The following TAFA1 variants were observed in gnomAD, a reference collection of about 807,000 sequenced individuals.
TAFA1 encodes the protein chemokine-like protein TAFA-1.
Under a neutral mutation model 18.5 loss-of-function variants are expected in TAFA1, and 4 were observed. The observed-to-expected ratio is 0.22, with a 90% confidence interval of 0.11 to 0.49. The LOEUF (loss-of-function observed/expected upper bound fraction) is 0.49, where lower values mean the gene tolerates loss of function less well. Among genes scored for constraint, TAFA1 ranks in the 20% least tolerant of loss-of-function variants. TAFA1 has a pLI of 0.98. For synonymous variants in TAFA1, 56 were observed against 55.2 expected (o/e 1.01, Z -0.06); for missense variants, 147 against 169.0 (o/e 0.87, Z 0.72).
At chr3:68,164,029 T>G (rs970263347) in intron 2 of TAFA1, among the ~76,000 whole-genome samples, 16 of 152,250 alleles carry the variant, frequency 1.1e-4, no homozygotes, top group African/African-American at 3.9e-4. Flanking sequence ...CTCTTTCTGC[T>G]GACCACTGGC....
At chr3:68,058,347 A>G (rs1020603638) in intron 2 of TAFA1, among the ~76,000 whole-genome samples, 2 of 152,222 alleles carry the variant, frequency 1.3e-5, no homozygotes, top group African/African-American at 2.4e-5. Context: ...AGTACATAAT[A>G]ACAGCTCAAA....
In TAFA1 at chr3:68,112,305, G is replaced by T. The variant is rs149773328; in HGVS notation, c.118+105561G>T. Among the ~76,000 whole-genome samples, 137 of 152,240 alleles carry T rather than the reference G, an allele frequency of 9.0e-4. 2 individuals are homozygous for T. Among genetic ancestry groups the T allele is most frequent in the African/African-American group, 2.7e-3 (112 of 41,544 alleles). On this transcript the variant is annotated intron_variant, in intron 2 of 4. Coordinates refer to ENST00000478136, the MANE Select transcript of TAFA1 (RefSeq NM_213609.4). ...CGAATCGAATTCAGCTATGCATCCT[G>T]CTGAATGAGCTTATTCAGAAATTCA...
chr3:68,107,714 C>T (rs2065218931), intron 2 of TAFA1, among the ~76,000 whole-genome samples: 1 of 152,054 alleles, frequency 6.6e-6, no homozygotes, highest in Admixed American at 6.6e-5. Context: ...TTAGAATTCT[C>T]CCTCTCAATT....
At chr3:68,526,782 A>G (rs1230574187) in intron 3 of TAFA1, among the ~76,000 whole-genome samples, 4 of 152,152 alleles carry the variant, frequency 2.6e-5, no homozygotes, top group African/African-American at 7.2e-5. Flanking sequence ...TGCCAAATGG[A>G]ATCATGAGTG....
At chr3:68,187,510 A>G (rs2066285519) in intron 2 of TAFA1, among the ~76,000 whole-genome samples, 1 of 152,036 alleles carries the variant, frequency 6.6e-6, no homozygotes, top group Admixed American at 6.6e-5. Context: ...GAAATTGATT[A>G]TCTTGGGTGA....
intron 2 of TAFA1, among the ~76,000 whole-genome samples, chr3:68,036,168 C>T (rs939049819): frequency 2.6e-5 from 4 of 152,240 alleles, no homozygotes; most frequent in Admixed American, 6.5e-5. Flanking sequence ...CAGCCAGGCA[C>T]GCTGTCTCAC....
chr3:68,391,130 C>G (rs921400613), intron 2 of TAFA1, among the ~76,000 whole-genome samples: 1 of 152,090 alleles, frequency 6.6e-6, no homozygotes, highest in South Asian at 2.1e-4. Context: ...GTTACAGGAA[C>G]TGCTAACTAG....
intron 2 of TAFA1, among the ~76,000 whole-genome samples, chr3:68,196,353 G>A (rs1344546375): frequency 6.6e-6 from 1 of 151,624 alleles, no homozygotes; most frequent in Non-Finnish European, 1.5e-5. Flanking sequence ...AGATTTTTCT[G>A]ACCAAATACT....
Position 68,164,048 on chromosome 3 carries a change from T to G in TAFA1, c.118+157304T>G, listed in dbSNP as rs74960196. Among the ~76,000 whole-genome samples the G allele has an allele frequency of 7.0e-3, 1,067 of 152,342 alleles. 11 individuals are homozygous for G. The highest frequency in any genetic ancestry group is 0.023 in the African/African-American group (973 of 41,572). ...TTCTGCTGACCACTGGCAAAATGCT[T>G]TAGCTTGGATTGCTGAATGTGTTTT... On this transcript the variant is annotated intron_variant, in intron 2 of 4. Transcript: ENST00000478136.
intron 2 of TAFA1, among the ~76,000 whole-genome samples, chr3:68,353,077 C>T (rs1230797147): frequency 1.3e-5 from 2 of 152,022 alleles, no homozygotes; most frequent in Admixed American, 6.6e-5. Context: ...ACTCCCTTAT[C>T]TGTCCTTAAA....
chr3:68,399,402 G>C (rs574141911), intron 2 of TAFA1, among the ~76,000 whole-genome samples: 7 of 152,150 alleles, frequency 4.6e-5, no homozygotes, highest in Non-Finnish European at 1.0e-4. Context: ...TACAACAGAG[G>C]CTCAACCATC....
chr3:68,425,465 A>C (rs1358500035), intron 3 of TAFA1, among the ~76,000 whole-genome samples: 1 of 151,984 alleles, frequency 6.6e-6, no homozygotes, highest in Non-Finnish European at 1.5e-5. Context: ...GATCTTGCAT[A>C]ACATCTTTAG....
At chr3:68,257,059 C>T (rs920118001) in intron 2 of TAFA1, among the ~76,000 whole-genome samples, 4 of 152,222 alleles carry the variant, frequency 2.6e-5, no homozygotes, top group African/African-American at 4.8e-5. Context: ...TTCCCTCACT[C>T]GTAACGCTCT....
intron 2 of TAFA1, among the ~76,000 whole-genome samples, chr3:68,155,759 G>C (rs1180735075): frequency 6.6e-6 from 1 of 152,112 alleles, no homozygotes; most frequent in Admixed American, 6.6e-5. Flanking sequence ...AGAAAATACT[G>C]ATGGAAATCT....
chr3:68,398,705 C>T (rs754708004), intron 2 of TAFA1, among the ~76,000 whole-genome samples: 12 of 152,096 alleles, frequency 7.9e-5, no homozygotes, highest in Non-Finnish European at 8.8e-5. Flanking sequence ...TATTTCATTA[C>T]GAACATTAAC....
chr3:68,447,794 A>T (rs185065033), intron 3 of TAFA1, among the ~76,000 whole-genome samples: 7 of 152,336 alleles, frequency 4.6e-5, no homozygotes, highest in Admixed American at 4.6e-4. Context: ...AAGTATTCTG[A>T]AGCAATGTTC....
intron 2 of TAFA1, among the ~76,000 whole-genome samples, chr3:68,128,611 T>A (rs1346939754): frequency 6.6e-6 from 1 of 152,212 alleles, no homozygotes; most frequent in Non-Finnish European, 1.5e-5. Context: ...CCTGATTGTC[T>A]GCCAAATTCT....
chr3:68,220,822 C>T (rs921293501), intron 2 of TAFA1, among the ~76,000 whole-genome samples: 1 of 152,136 alleles, frequency 6.6e-6, no homozygotes, highest in African/African-American at 2.4e-5. Flanking sequence ...GGGTCACTCA[C>T]AGTATTCTTG....
intron 2 of TAFA1, among the ~76,000 whole-genome samples, chr3:68,238,019 G>C (rs1047219717): frequency 6.6e-6 from 1 of 151,582 alleles, no homozygotes; most frequent in Non-Finnish European, 1.5e-5. Context: ...CCATGAAGGC[G>C]AAGGCCAGGG....
Sources: allele counts gnomAD v4.1 joint callset (sites outside exome capture counted in the v4.1 genomes callset), GRCh38; gene constraint gnomAD v4.1.1; transcripts MANE v1.5; gene names NCBI Gene and HGNC (gene_info 2026-07-23, HGNC 2026-07-21).